The following PDE4D variants were observed in gnomAD, a reference collection of about 807,000 sequenced individuals.
The protein encoded by PDE4D is 3',5'-cyclic-AMP phosphodiesterase 4D.
Under a neutral mutation model 87.4 loss-of-function variants are expected in PDE4D, and 24 were observed. The observed-to-expected ratio is 0.27, with a 90% CI of 0.20 to 0.39. PDE4D has a LOEUF of 0.39. Ranked by LOEUF, PDE4D falls within the 10% of genes least tolerant of loss-of-function variation. The probability of loss-of-function intolerance (pLI) is 1.00; values close to 1 mark genes in which losing one functional copy is unlikely to be tolerated. For synonymous variants in PDE4D, 384 were observed against 383.2 expected (o/e 1.00, Z -0.02); for missense variants, 714 against 1,041.0 (o/e 0.69, Z 4.32).
At chr5:59,229,582 C>T (rs916884927) in intron 1 of PDE4D, among the ~76,000 whole-genome samples, 1 of 152,076 alleles carries the variant, frequency 6.6e-6, no homozygotes, top group African/African-American at 2.4e-5. Context: ...ACAAAAAAAT[C>T]TTAGTTTTTT....
chr5:59,802,849 C>T (rs1731428373), intron 1 of PDE4D, among the ~76,000 whole-genome samples: 1 of 152,144 alleles, frequency 6.6e-6, no homozygotes, highest in African/African-American at 2.4e-5. Flanking sequence ...CCCTGCAGTG[C>T]TCCCTGCTAG....
At chr5:59,513,407 T>G (rs925508854) in intron 1 of PDE4D, among the ~76,000 whole-genome samples, 16 of 152,302 alleles carry the variant, frequency 1.1e-4, no homozygotes, top group African/African-American at 3.6e-4. Context: ...AATAATGCAT[T>G]ACATTAATTA....
chr5:59,951,302 C>T (rs1171593777), intron 3 of PDE4D, among the ~76,000 whole-genome samples: 1 of 151,954 alleles, frequency 6.6e-6, no homozygotes, highest in East Asian at 1.9e-4. Context: ...TTTTTTTCCC[C>T]AAACACATTG....
chr5:60,261,786 GA>G, intron 1 of PDE4D, among the ~76,000 whole-genome samples: 2 of 152,192 alleles, frequency 1.3e-5, no homozygotes, highest in East Asian at 3.9e-4. Flanking sequence ...TTATCAGAAA[GA>G]AGAAATTACC....
chr5:60,288,943 G>C (rs1752652664), intron 1 of PDE4D, among the ~76,000 whole-genome samples: 1 of 152,092 alleles, frequency 6.6e-6, no homozygotes, highest in Non-Finnish European at 1.5e-5. Context: ...TCATCTTATA[G>C]ATTGCTAATT....
At chr5:59,766,787 A>C (rs1177972518) in intron 1 of PDE4D, among the ~76,000 whole-genome samples, 1 of 152,190 alleles carries the variant, frequency 6.6e-6, no homozygotes, top group Non-Finnish European at 1.5e-5. Flanking sequence ...TTTGTTGCTC[A>C]CAATTTTTTC....
chr5:59,922,061 T>C (rs1754736380), intron 3 of PDE4D, among the ~76,000 whole-genome samples: 1 of 151,968 alleles, frequency 6.6e-6, no homozygotes, highest in Non-Finnish European at 1.5e-5. Flanking sequence ...GTGCAGCGAC[T>C]GGGGGACTTT....
intron 1 of PDE4D, among the ~76,000 whole-genome samples, chr5:59,825,743 C>A (rs146207720): frequency 8.5e-5 from 13 of 152,310 alleles, no homozygotes; most frequent in African/African-American, 3.1e-4. Flanking sequence ...CTGTACTTAA[C>A]TGGTACTTTA....
At chr5:59,549,929 T>C (rs294483) in intron 1 of PDE4D, among the ~76,000 whole-genome samples, 122,708 of 151,460 alleles carry the variant, frequency 0.81, 49,820 homozygotes, top group South Asian at 0.91. Flanking sequence ...TTATGAAATA[T>C]TTTTGCTAAA....
intron 1 of PDE4D, among the ~76,000 whole-genome samples, chr5:59,457,232 G>A (rs1289887487): frequency 6.6e-6 from 1 of 152,144 alleles, no homozygotes; most frequent in Non-Finnish European, 1.5e-5. Context: ...CTGACCTTCA[G>A]CAACCGCCAC....
At chr5:60,217,669 C>T (rs1159138951) in intron 1 of PDE4D, among the ~76,000 whole-genome samples, 2 of 151,438 alleles carry the variant, frequency 1.3e-5, no homozygotes, top group East Asian at 3.9e-4. Flanking sequence ...GATTTTTTTA[C>T]ATATTTATCA....
intron 1 of PDE4D, among the ~76,000 whole-genome samples, chr5:60,224,888 G>C (rs1744914161): frequency 6.6e-6 from 1 of 151,796 alleles, no homozygotes; most frequent in East Asian, 2.0e-4. Flanking sequence ...AGCCACTCTA[G>C]GGATCATAAG....
At chr5:59,332,961 A>G (rs1164519019) in intron 1 of PDE4D, among the ~76,000 whole-genome samples, 2 of 152,216 alleles carry the variant, frequency 1.3e-5, no homozygotes, top group Non-Finnish European at 2.9e-5. Context: ...TGATAACATC[A>G]TGCAACAGCT....
chr5:60,440,879 T>C (rs996986012), intron 1 of PDE4D, among the ~76,000 whole-genome samples: 2 of 152,086 alleles, frequency 1.3e-5, no homozygotes, highest in Non-Finnish European at 2.9e-5. Flanking sequence ...TTTCCAAGGT[T>C]ACAAAACTAG....
intron 1 of PDE4D, among the ~76,000 whole-genome samples, chr5:59,726,499 G>A (rs1756609883): frequency 6.6e-6 from 1 of 152,030 alleles, no homozygotes; most frequent in Non-Finnish European, 1.5e-5. Context: ...TCTCCACCAT[G>A]TCAGAAGGCA....
chr5:60,187,155 A>G (rs1201476686), intron 1 of PDE4D, among the ~76,000 whole-genome samples: 1 of 152,194 alleles, frequency 6.6e-6, no homozygotes, highest in African/African-American at 2.4e-5. Flanking sequence ...ATGCACAATC[A>G]AATGTGAGTT....
At chr5:59,989,407 T>G (rs1399548748) in intron 2 of PDE4D, among the ~76,000 whole-genome samples, 1 of 152,028 alleles carries the variant, frequency 6.6e-6, no homozygotes, top group African/African-American at 2.4e-5. Flanking sequence ...TGACTGTATA[T>G]TTATATATAT....
chr5:59,164,741 T>A (rs1042795113), intron 5 of PDE4D, among the ~76,000 whole-genome samples: 1 of 152,100 alleles, frequency 6.6e-6, no homozygotes, highest in African/African-American at 2.4e-5. Flanking sequence ...TTGGATGGCA[T>A]GATGTAGGTT....
chr5:59,968,071 A>T (rs561112161), intron 3 of PDE4D, among the ~76,000 whole-genome samples: 18 of 125,740 alleles, frequency 1.4e-4, no homozygotes, highest in Non-Finnish European at 3.1e-5. Flanking sequence ...CACAACCTCC[A>T]CCTCCTGGGT....
Sources: gnomAD v4.1 joint callset for allele counts (sites outside exome capture counted in the v4.1 genomes callset) on GRCh38, gnomAD v4.1.1 for gene constraint, MANE v1.5 for transcripts, NCBI Gene and HGNC (gene_info 2026-07-23, HGNC 2026-07-21) for gene names.